The following TRIM2 variants were observed in gnomAD, a reference collection of about 807,000 sequenced individuals.
TRIM2 encodes tripartite motif-containing protein 2.
In TRIM2, 20 loss-of-function variants were observed where a neutral mutation model predicts 75.2. That is an observed-to-expected ratio of 0.27 (90% confidence interval 0.19 to 0.39). The LOEUF (loss-of-function observed/expected upper bound fraction) is 0.39. TRIM2 is among the 10% of genes least tolerant of loss of function. The probability of loss-of-function intolerance (pLI) is 1.00; values close to 1 mark genes in which losing one functional copy is unlikely to be tolerated. For synonymous variants in TRIM2, 373 were observed against 388.3 expected (o/e 0.96, Z 0.46); for missense variants, 660 against 990.8 (o/e 0.67, Z 4.48).
intron 3 of TRIM2, among the ~76,000 whole-genome samples, chr4:153,286,882 T>A (rs1299554342): frequency 1.3e-5 from 2 of 152,172 alleles, no homozygotes; most frequent in African/African-American, 4.8e-5. Flanking sequence ...AAGTCTATTT[T>A]TTCTGATATT....
chr4:153,328,704 GT>G (rs1770785128), intron 11 of TRIM2, 34 bp downstream of exon 11: 1 of 1,522,150 alleles, frequency 6.6e-7, no homozygotes, highest in Non-Finnish European at 8.8e-7. Context: ...TGGTTAGAGT[GT>G]TTGGTATTTG....
chr4:153,221,394 C>T (rs1485015099), intron 1 of TRIM2, among the ~76,000 whole-genome samples: 3 of 152,192 alleles, frequency 2.0e-5, no homozygotes, highest in East Asian at 3.8e-4. Context: ...TGACACTGCA[C>T]TCCAGTCTGG....
intron 1 of TRIM2, among the ~76,000 whole-genome samples, chr4:153,199,172 GT>G (rs1734067092): frequency 6.6e-6 from 1 of 152,160 alleles, no homozygotes; most frequent in African/African-American, 2.4e-5. Flanking sequence ...CTACAGAATT[GT>G]GTTTTCTTGA....
chr4:153,208,864 T>C (rs944355772), intron 1 of TRIM2, among the ~76,000 whole-genome samples: 1 of 152,158 alleles, frequency 6.6e-6, no homozygotes, highest in African/African-American at 2.4e-5. Flanking sequence ...TTCCATACAT[T>C]ACAAAAGTGT....
intron 1 of TRIM2, among the ~76,000 whole-genome samples, chr4:153,212,040 G>A (rs867186997): frequency 6.6e-6 from 1 of 152,126 alleles, no homozygotes; most frequent in African/African-American, 2.4e-5. Context: ...CTTGCTTCTA[G>A]CTTCTGGCGG....
chr4:153,295,487 C>T lies in TRIM2; in HGVS notation c.961C>T (p.Arg321Trp). The stretch of plus-strand genomic sequence containing the variant: ...CGACCAGGACTTCCCCTTGCACCCG[C>T]GGGAGAACGACCAGCTGGATTTCAT... ...LADQDFPLHP[R>W]ENDQLDFIVE... Residue 321 changes from arginine (R) to tryptophan (W), a missense_variant, in exon 6 of 12, where the codon CGG (arginine) becomes TGG (tryptophan). Around this residue, in one of 2 missense-constraint regions of TRIM2, gnomAD observed 620 missense variants for 891.0 expected, o/e 0.70. Transcript: ENST00000338700. The surrounding 1 kb of genome is among the most constrained non-coding windows in gnomAD (Gnocchi z 7.2). The T allele has an allele frequency of 6.2e-7, 1 of 1,614,126 alleles. No homozygotes were observed. The highest frequency in any genetic ancestry group is 8.5e-7 in the Non-Finnish European group (1 of 1,180,010).
At chr4:153,227,223 C>T (rs1742376350) in intron 1 of TRIM2, among the ~76,000 whole-genome samples, 1 of 152,188 alleles carries the variant, frequency 6.6e-6, no homozygotes, top group Non-Finnish European at 1.5e-5. Flanking sequence ...GCTCTTTCAG[C>T]ATTACCTGGA....
chr4:153,203,784 C>A (rs1010982466), upstream of TRIM2, among the ~76,000 whole-genome samples: 2 of 151,722 alleles, frequency 1.3e-5, no homozygotes, highest in Non-Finnish European at 2.9e-5. Flanking sequence ...TCCAGCTACT[C>A]AGGAGGCTGA....
In TRIM2 at chr4:153,205,654, A is replaced by G. The variant is rs1018015943; in HGVS notation, c.30+1094A>G. Among the ~76,000 whole-genome samples, 12 of 152,204 alleles carry G rather than the reference A, an allele frequency of 7.9e-5. No homozygotes were observed. In the South Asian group the frequency reaches 8.3e-4, roughly 10 times the overall value. Reference sequence around the variant, plus strand: ...TGAAAAGGTGAGGTTTAATTTTTACATAAAGCTAGAGGTGAACCATGGGAC... The same window carrying G: ...TGAAAAGGTGAGGTTTAATTTTTACGTAAAGCTAGAGGTGAACCATGGGAC... On this transcript the variant is annotated intron_variant, in intron 1 of 11. Coordinates refer to ENST00000338700, the MANE Select transcript of TRIM2 (RefSeq NM_015271.5).
Position 153,336,651 on chromosome 4 carries a change from G to A in TRIM2, c.*1685G>A. Reference sequence around the variant, plus strand: ...TACTATAAGAAAACATTTCCCCTATGTATAATTATATGAATGTGATGTTTA... The same window carrying A: ...TACTATAAGAAAACATTTCCCCTATATATAATTATATGAATGTGATGTTTA... On this transcript the variant is annotated 3_prime_UTR_variant, in exon 12 of 12. Coordinates refer to ENST00000338700, the MANE Select transcript of TRIM2 (RefSeq NM_015271.5). The A allele has an allele frequency of 1.0e-6, 1 of 985,522 alleles. No homozygotes were observed. Among genetic ancestry groups the A allele is most frequent in the Non-Finnish European group, 1.2e-6 (1 of 829,774 alleles). 61.0% of individuals were successfully genotyped at this position (985,522 alleles called of 1,614,324 possible).
chr4:153,180,536 T>C (rs762478295), intron 1 of TRIM2, among the ~76,000 whole-genome samples: 2 of 152,246 alleles, frequency 1.3e-5, no homozygotes, highest in Non-Finnish European at 2.9e-5. Flanking sequence ...AGAGTCTTGC[T>C]GCGCAATCTT....
intron 1 of TRIM2, among the ~76,000 whole-genome samples, chr4:153,267,563 A>C (rs1480766510): frequency 6.6e-6 from 1 of 152,128 alleles, no homozygotes; most frequent in Non-Finnish European, 1.5e-5. Flanking sequence ...GAGGCAGAGA[A>C]TGTTGTGAAT....
intron 6 of TRIM2, among the ~76,000 whole-genome samples, chr4:153,306,422 T>G (rs1042188974): frequency 6.6e-6 from 1 of 152,178 alleles, no homozygotes; most frequent in African/African-American, 2.4e-5. Flanking sequence ...GTTTTGATCT[T>G]CCAGGTTGAA....
chr4:153,308,341 C>T lies in TRIM2; in HGVS notation c.1511-7144C>T. 3.2e-6 allele frequency: 4 copies of T among 1,269,210 alleles called. No homozygotes were observed. In the South Asian group the frequency reaches 4.8e-5, roughly 15 times the overall value. The allele number at this position is 1,269,210 out of a possible 1,614,324, so 78.6% of individuals were successfully genotyped here. A position where few individuals can be genotyped will look rare whatever the true frequency, so the allele number is the denominator to read the frequency against. On this transcript the variant is annotated intron_variant, in intron 6 of 11. Coordinates refer to ENST00000338700, the MANE Select transcript of TRIM2 (RefSeq NM_015271.5). ...ATTTCCTTGTAGACTCTGTTAATTT[C>T]CTGCAGCTCTTGGTTGGTTCTTGAG...
chr4:153,248,030 C>G lies in TRIM2; in HGVS notation c.31-22305C>G, dbSNP rs989260722. Among the ~76,000 whole-genome samples the G allele has an allele frequency of 2.8e-5, 4 of 142,302 alleles. No individual in the cohort carries two copies. In the Admixed American group the frequency reaches 2.9e-4, roughly 10 times the overall value. 93.4% of individuals were successfully genotyped at this position (142,302 alleles called of 152,430 possible). A position where few individuals can be genotyped will look rare whatever the true frequency, so the allele number is the denominator to read the frequency against. ...TTTTTTTTTGAGATGGAGTCTCGCT[C>G]TGTCCCCCAGGCTGGAGTGCGGTGA... On this transcript the variant is annotated intron_variant, in intron 1 of 11. Coordinates refer to ENST00000338700, the MANE Select transcript of TRIM2 (RefSeq NM_015271.5). The surrounding 1 kb of genome is among the most constrained non-coding windows in gnomAD (Gnocchi z 4.0).
In TRIM2 at chr4:153,275,985, C is replaced by T. The variant is rs368633015; in HGVS notation, c.308C>T (p.Ala103Val). 13 of 1,614,114 alleles carry T rather than the reference C, an allele frequency of 8.1e-6. No individual in the cohort carries two copies. The highest frequency in any genetic ancestry group is 1.3e-5 in the African/African-American group (1 of 74,944). The change falls in exon 3 of 12, where the codon GCG becomes GTG. Residue 103 changes from alanine (A) to valine (V), a missense_variant. Ala to Val is a moderately conservative substitution (Grantham distance 64). Around this residue, in one of 2 missense-constraint regions of TRIM2, gnomAD observed 620 missense variants for 891.0 expected, o/e 0.70. Transcript: ENST00000338700. ...TSILPEKGVAALQNNFFITNL... is the reference protein window; with the variant it reads ...TSILPEKGVAVLQNNFFITNL... ...ATCCTGCCCGAGAAAGGGGTGGCCG[C>T]GCTCCAGAACAATTTCTTCATCACA...
intron 1 of TRIM2, among the ~76,000 whole-genome samples, chr4:153,197,387 T>C (rs1733884192): frequency 6.6e-6 from 1 of 152,212 alleles, no homozygotes; most frequent in Non-Finnish European, 1.5e-5. Context: ...AGCCCTTCAA[T>C]GTCACTGAAG....
chr4:153,271,319 A>C (rs777296720), intron 2 of TRIM2, among the ~76,000 whole-genome samples: 2 of 152,220 alleles, frequency 1.3e-5, no homozygotes, highest in African/African-American at 4.8e-5. Context: ...TAATATACAT[A>C]CTTAAAATGC....
intron 1 of TRIM2, among the ~76,000 whole-genome samples, chr4:153,164,367 C>T (rs2149600353): frequency 6.6e-6 from 1 of 152,322 alleles, no homozygotes; most frequent in Admixed American, 6.5e-5. Context: ...TATCTAAATA[C>T]AGCAGTCTCT....
Sources: gnomAD v4.1 joint callset for allele counts (sites outside exome capture counted in the v4.1 genomes callset) on GRCh38, gnomAD v4.1.1 for gene constraint, gnomAD v4.1.1 regional missense constraint, Gnocchi (gnomAD v3.1) non-coding constraint, MANE v1.5 for transcripts, NCBI Gene and HGNC (gene_info 2026-07-23, HGNC 2026-07-21) for gene names.